The following SLC25A48 variants were observed in gnomAD, a reference collection of about 807,000 sequenced individuals.
SLC25A48 encodes the protein CTC-321K16.1.
SLC25A48 carries 29 observed loss-of-function variants against 32.2 expected under a neutral mutation model. The ratio of observed to expected loss-of-function variants is 0.90; its 90% CI spans 0.67 to 1.23. SLC25A48 has a LOEUF of 1.23. SLC25A48 is among the 50% of genes most tolerant of loss of function. The pLI is 0.00. For missense variants in SLC25A48, 399 were observed against 422.7 expected, an observed-to-expected ratio of 0.94 and a Z score of 0.49; for synonymous variants, 164 against 172.3, an observed-to-expected ratio of 0.95 and a Z score of 0.38.
intron 1 of SLC25A48, among the ~76,000 whole-genome samples, chr5:135,628,360 C>A (rs1298881571): frequency 3.3e-5 from 5 of 152,166 alleles, no homozygotes; most frequent in South Asian, 2.1e-4. Context: ...AGGTTTTAGG[C>A]AAATGCAGAA....
At chr5:135,858,324 A>G (rs1196161620) in intron 4 of SLC25A48, among the ~76,000 whole-genome samples, 1 of 152,210 alleles carries the variant, frequency 6.6e-6, no homozygotes, top group African/African-American at 2.4e-5. Context: ...GGCTTAGCAC[A>G]AAGAGCAAAG....
At chr5:135,823,789 A>C (rs1185856823) in intron 4 of SLC25A48, among the ~76,000 whole-genome samples, 2 of 152,198 alleles carry the variant, frequency 1.3e-5, no homozygotes, top group Non-Finnish European at 2.9e-5. Context: ...GCGCTGAGGA[A>C]GTCACCACCT....
At chr5:135,611,496 C>CAAAAA (rs57138043) in intron 1 of SLC25A48, among the ~76,000 whole-genome samples, 440 of 21,374 alleles carry the variant, frequency 0.021, 33 homozygotes, top group East Asian at 0.039. Flanking sequence ...GACTCCATCT[C>CAAAAA]AAAAAAAAAA....
intron 6 of SLC25A48, among the ~76,000 whole-genome samples, chr5:135,879,158 A>C (rs949772631): frequency 6.6e-6 from 1 of 152,174 alleles, no homozygotes; most frequent in Admixed American, 6.5e-5. Context: ...TCATCAGCAC[A>C]GGCCATTCTT....
chr5:135,721,192 CTTTTTTTTTTTTTTT>C lies in SLC25A48; in HGVS notation c.-521+86251_-521+86265del, dbSNP rs757412641. Among the ~76,000 whole-genome samples the C allele has an allele frequency of 2.0e-4, 11 of 53,884 alleles. No homozygotes were observed. In the South Asian group the frequency reaches 2.2e-3, roughly 11 times the overall value. The allele number at this position is 53,884 out of a possible 152,430, so 35.3% of individuals were successfully genotyped here. On this transcript the variant is annotated intron_variant, in intron 3 of 10. Transcript: ENST00000646290. ...GAGTAGCTGGGACACCATGCCTGGC[CTTTTTTTTTTTTTTT>C]TTTTTTTTTTTTTTGACAGAGTCTT...
At chr5:135,864,924 A>G (rs1171496796) in intron 4 of SLC25A48, among the ~76,000 whole-genome samples, 1 of 152,250 alleles carries the variant, frequency 6.6e-6, no homozygotes, top group Non-Finnish European at 1.5e-5. Flanking sequence ...ACTTGGCTGC[A>G]GGTCACAGCT....
chr5:135,887,740 C>T (rs1225437483), intron 7 of SLC25A48, among the ~76,000 whole-genome samples: 1 of 152,126 alleles, frequency 6.6e-6, no homozygotes, highest in Non-Finnish European at 1.5e-5. Context: ...GGGAGGCCTT[C>T]CCCTTGGGTT....
At chr5:135,770,989 A>G (rs1253474215) in intron 3 of SLC25A48, among the ~76,000 whole-genome samples, 1 of 151,886 alleles carries the variant, frequency 6.6e-6, no homozygotes, top group African/African-American at 2.4e-5. Flanking sequence ...TATCTAGAAG[A>G]AAAGAAGATG....
intron 3 of SLC25A48, among the ~76,000 whole-genome samples, chr5:135,705,555 T>C (rs1321581867): frequency 6.6e-6 from 1 of 152,220 alleles, no homozygotes; most frequent in Non-Finnish European, 1.5e-5. Flanking sequence ...CAAGTTTCAA[T>C]TCAAGCTAGA....
chr5:135,734,017 A>G (rs1226884543), intron 3 of SLC25A48, among the ~76,000 whole-genome samples: 1 of 151,976 alleles, frequency 6.6e-6, no homozygotes, highest in Non-Finnish European at 1.5e-5. Flanking sequence ...AAATGGGGGA[A>G]TTGTAAGGAG....
intron 3 of SLC25A48, among the ~76,000 whole-genome samples, chr5:135,811,875 A>T (rs1242384309): frequency 6.6e-6 from 1 of 152,168 alleles, no homozygotes; most frequent in Non-Finnish European, 1.5e-5. Context: ...TGAGGTCAGG[A>T]GTTTGAGACC....
At chr5:135,661,054 A>G (rs1310857261) in intron 3 of SLC25A48, among the ~76,000 whole-genome samples, 1 of 152,228 alleles carries the variant, frequency 6.6e-6, no homozygotes, top group East Asian at 1.9e-4. Context: ...ACCTCTGAGA[A>G]TGAGGCAGAC....
chr5:135,731,564 T>G (rs1467075624), intron 3 of SLC25A48, among the ~76,000 whole-genome samples: 1 of 152,096 alleles, frequency 6.6e-6, no homozygotes, highest in South Asian at 2.1e-4. Context: ...AAGGAAGATT[T>G]TGTGGTAAGG....
intron 3 of SLC25A48, among the ~76,000 whole-genome samples, chr5:135,808,283 G>A (rs1757510499): frequency 6.6e-6 from 1 of 150,414 alleles, no homozygotes. Flanking sequence ...TTAACATAGT[G>A]TATTATATAT....
chr5:135,592,992 A>G (rs1751561803), intron 1 of SLC25A48, among the ~76,000 whole-genome samples: 1 of 152,066 alleles, frequency 6.6e-6, no homozygotes. Flanking sequence ...CTGAACCACC[A>G]CTGAAGCTCC....
chr5:135,776,272 GT>G (rs68051284), intron 3 of SLC25A48, among the ~76,000 whole-genome samples: 24,907 of 125,402 alleles, frequency 0.2, 3,070 homozygotes, highest in East Asian at 0.37. Context: ...TATCTGGGGG[GT>G]GGGGGGCAGA....
At chr5:135,861,884 A>G (rs1760825203) in intron 4 of SLC25A48, among the ~76,000 whole-genome samples, 1 of 152,180 alleles carries the variant, frequency 6.6e-6, no homozygotes, top group African/African-American at 2.4e-5. Context: ...ACTGACTACC[A>G]TTGCACAATA....
intron 1 of SLC25A48, 32 bp from the exon 2 acceptor site, chr5:135,842,384 T>C: frequency 6.2e-7 from 1 of 1,612,338 alleles, no homozygotes; most frequent in Non-Finnish European, 8.5e-7. Flanking sequence ...GTCCAAGGGC[T>C]GAGTTACTAG....
rs1222861332 is a variant in SLC25A48, at chr5:135,629,611, T to G, written c.-709+235T>G. ...GGGAAAGAAGCCGATAAAAGATGTG[T>G]TAGCCAGCAGGCTGACTCTGTGGGC... On this transcript the variant is annotated intron_variant, in intron 2 of 10. Transcript: ENST00000646290. The surrounding 1 kb of genome is among the most constrained non-coding windows in gnomAD (Gnocchi z 4.8). 2.0e-5 allele frequency among the ~76,000 whole-genome samples: 3 copies of G among 152,208 alleles called. No individual in the cohort carries two copies. The highest frequency in any genetic ancestry group is 4.4e-5 in the Non-Finnish European group (3 of 68,034).
Sources: gnomAD v4.1 joint callset for allele counts (sites outside exome capture counted in the v4.1 genomes callset) on GRCh38, gnomAD v4.1.1 for gene constraint, Gnocchi (gnomAD v3.1) non-coding constraint, MANE v1.5 for transcripts, NCBI Gene and HGNC (gene_info 2026-07-23, HGNC 2026-07-21) for gene names.